Variants in EYA4 observed in about 807,000 individuals in gnomAD.
The protein encoded by EYA4 is EYA transcriptional coactivator and phosphatase 4.
Under a neutral mutation model 87.9 loss-of-function variants are expected in EYA4, and 31 were observed. The observed-to-expected ratio is 0.35, with a 90% CI of 0.27 to 0.48. EYA4 has a LOEUF of 0.48. Among genes scored for constraint, EYA4 ranks in the 20% least tolerant of loss-of-function variants. The probability of loss-of-function intolerance (pLI) is 0.99; values close to 1 mark genes in which losing one functional copy is unlikely to be tolerated. For missense variants in EYA4, 678 were observed against 761.4 expected (o/e 0.89, Z 1.29); for synonymous variants, 263 against 270.6 (o/e 0.97, Z 0.28).
intron 2 of EYA4, among the ~76,000 whole-genome samples, chr6:133,291,936 A>AT (rs35217235): frequency 0.44 from 66,605 of 151,180 alleles, 15,362 homozygotes; most frequent in African/African-American, 0.58. Context: ...AGCTAGACTG[A>AT]TTTTTTTTTC....
chr6:133,308,630 C>G (rs1779987724), intron 2 of EYA4, among the ~76,000 whole-genome samples: 1 of 152,120 alleles, frequency 6.6e-6, no homozygotes, highest in Admixed American at 6.5e-5. Context: ...TTGTAAGTGA[C>G]AGTATTTGGT....
intron 2 of EYA4, among the ~76,000 whole-genome samples, chr6:133,370,396 A>G (rs1458993875): frequency 1.3e-5 from 2 of 152,200 alleles, no homozygotes; most frequent in African/African-American, 4.8e-5. Context: ...TTTTCTTGTT[A>G]AAATAGGTTG....
At chr6:133,342,605 A>ATATATATATATATATATATATATATATC (rs1485897156) in intron 2 of EYA4, among the ~76,000 whole-genome samples, 3 of 130,434 alleles carry the variant, frequency 2.3e-5, no homozygotes, top group Admixed American at 7.5e-5. Context: ...ATATATATAT[A>ATATATATATATATATATATATATATATC]ATTCTTTATA....
chr6:133,284,726 A>G (rs983009336), intron 2 of EYA4, among the ~76,000 whole-genome samples: 3 of 152,210 alleles, frequency 2.0e-5, no homozygotes, highest in Non-Finnish European at 4.4e-5. Context: ...GATAGCTAGT[A>G]CTAATTCATT....
At chr6:133,415,611 G>A (rs375525432) in intron 3 of EYA4, among the ~76,000 whole-genome samples, 3 of 152,108 alleles carry the variant, frequency 2.0e-5, no homozygotes, top group Non-Finnish European at 2.9e-5. Flanking sequence ...CAACACTGTC[G>A]ATCTCTGCTT....
chr6:133,525,239 A>G lies in EYA4; in HGVS notation c.1824A>G (p.Glu608=), dbSNP rs1240468803. 1.2e-6 allele frequency: 2 copies of G among 1,613,422 alleles called. No individual in the cohort carries two copies. The change falls in exon 19 of 20, where the codon GAA becomes GAG. Residue 608 remains glutamate, a synonymous_variant. Transcript: ENST00000355286. The part of the protein sequence containing the change: ...YVVIGDGVEE[E]QAAKKHNMPF... Reference sequence around the variant, plus strand: ...TAATTGGGGATGGTGTAGAAGAAGAACAGGCAGCAAAAAAGGTAACCTGTC... The same window carrying G: ...TAATTGGGGATGGTGTAGAAGAAGAGCAGGCAGCAAAAAAGGTAACCTGTC...
intron 1 of EYA4, chr6:133,247,998 G>A (rs910235215): frequency 6.6e-6 from 1 of 152,088 alleles, no homozygotes; most frequent in Non-Finnish European, 1.5e-5. Context: ...AGAAAGGTGT[G>A]TCTACTCTCC....
chr6:133,328,390 T>C (rs796228990), intron 2 of EYA4, among the ~76,000 whole-genome samples: 2 of 152,172 alleles, frequency 1.3e-5, no homozygotes, highest in South Asian at 4.1e-4. Flanking sequence ...AGTACCCTTC[T>C]CTTTATTGTG....
intron 1 of EYA4, among the ~76,000 whole-genome samples, chr6:133,260,944 G>A (rs2180729): frequency 0.26 from 39,361 of 151,998 alleles, 6,084 homozygotes; most frequent in African/African-American, 0.43. Flanking sequence ...ACAACAAAAC[G>A]ATAACAACAC....
chr6:133,371,779 G>A (rs1055327384), intron 2 of EYA4, among the ~76,000 whole-genome samples: 1 of 152,170 alleles, frequency 6.6e-6, no homozygotes, highest in Non-Finnish European at 1.5e-5. Flanking sequence ...AACAGGTAAT[G>A]CAGCTGTTGA....
intron 19 of EYA4, chr6:133,526,033 A>G: frequency 2.6e-6 from 1 of 388,026 alleles, no homozygotes; most frequent in Non-Finnish European, 3.5e-6. Flanking sequence ...AAGCCTTTTC[A>G]TCTGGCCCGT....
chr6:133,267,391 T>A (rs1776307348), intron 1 of EYA4, among the ~76,000 whole-genome samples: 1 of 152,058 alleles, frequency 6.6e-6, no homozygotes, highest in Admixed American at 6.6e-5. Flanking sequence ...TTTCCACTTT[T>A]TTTTTTTGAG....
chr6:133,325,481 A>C (rs1359164830), intron 2 of EYA4: 1 of 152,214 alleles, frequency 6.6e-6, no homozygotes, highest in Non-Finnish European at 1.5e-5. Flanking sequence ...ATATCATCTT[A>C]TTGGTGTAAA....
chr6:133,381,767 T>C (rs926323487), intron 2 of EYA4, among the ~76,000 whole-genome samples: 4 of 152,214 alleles, frequency 2.6e-5, no homozygotes, highest in African/African-American at 9.6e-5. Context: ...TACCACATAC[T>C]TTTGTCCAGA....
At chr6:133,388,127 G>A (rs1786914853) in intron 3 of EYA4, among the ~76,000 whole-genome samples, 1 of 152,038 alleles carries the variant, frequency 6.6e-6, no homozygotes, top group African/African-American at 2.4e-5. Context: ...AACAGTCTCG[G>A]CCGGGCACAG....
intron 1 of EYA4, among the ~76,000 whole-genome samples, chr6:133,264,940 G>C (rs1216138826): frequency 6.6e-6 from 1 of 152,110 alleles, no homozygotes; most frequent in African/African-American, 2.4e-5. Flanking sequence ...CAAGTGATCA[G>C]AGGATTAGGT....
At chr6:133,447,981 A>C in intron 4 of EYA4, 130 bp from the exon 5 acceptor site, 1 of 717,074 alleles carries the variant, frequency 1.4e-6, no homozygotes, top group South Asian at 1.5e-5. Flanking sequence ...GATAAACTAA[A>C]ATGTTGAAGT....
At chr6:133,312,443 A>C (rs1780302223) in intron 2 of EYA4, among the ~76,000 whole-genome samples, 1 of 152,104 alleles carries the variant, frequency 6.6e-6, no homozygotes, top group Non-Finnish European at 1.5e-5. Context: ...GATCTACCTT[A>C]GGCAAATCAC....
intron 2 of EYA4, among the ~76,000 whole-genome samples, chr6:133,350,822 A>G (rs1783585573): frequency 6.6e-6 from 1 of 152,008 alleles, no homozygotes; most frequent in South Asian, 2.1e-4. Context: ...TAGAAATTGC[A>G]TTTCATTCCA....
Sources: gnomAD v4.1 joint callset for allele counts (sites outside exome capture counted in the v4.1 genomes callset) on GRCh38, gnomAD v4.1.1 for gene constraint, MANE v1.5 for transcripts, NCBI Gene and HGNC (gene_info 2026-07-23, HGNC 2026-07-21) for gene names.